The following SLC12A9 variants were observed in gnomAD, a reference collection of about 807,000 sequenced individuals.
SLC12A9 encodes CCC-interacting protein 1.
In SLC12A9, 55 loss-of-function variants were observed where a neutral mutation model predicts 66.0. The ratio of observed to expected loss-of-function variants is 0.83; its 90% confidence interval spans 0.67 to 1.04. The LOEUF is 1.04. SLC12A9 is among the 50% of genes least tolerant of loss of function. The probability of loss-of-function intolerance (pLI) is 0.00; values close to 1 mark genes in which losing one functional copy is unlikely to be tolerated. For synonymous variants in SLC12A9, 577 were observed against 569.0 expected (o/e 1.01, Z -0.20); for missense variants, 1,061 against 1,241.9 (o/e 0.85, Z 2.19).
At chr7:100,832,046 A>T (rs1813553509) in intron 1 of SLC12A9, among the ~76,000 whole-genome samples, 1 of 152,196 alleles carries the variant, frequency 6.6e-6, no homozygotes, top group Non-Finnish European at 1.5e-5. Flanking sequence ...GCTCAAATAA[A>T]TTTTTATAAA....
intron 1 of SLC12A9, among the ~76,000 whole-genome samples, chr7:100,839,685 A>G (rs1319801837): frequency 6.6e-6 from 1 of 152,210 alleles, no homozygotes; most frequent in Non-Finnish European, 1.5e-5. Context: ...GTGGCTGAAC[A>G]CCAGGAAGGA....
intron 1 of SLC12A9, among the ~76,000 whole-genome samples, chr7:100,832,047 T>G (rs1813553581): frequency 6.6e-6 from 1 of 152,186 alleles, no homozygotes; most frequent in Non-Finnish European, 1.5e-5. Flanking sequence ...CTCAAATAAA[T>G]TTTTATAAAC....
At chr7:100,827,102 TG>T (rs2116474461) in intron 1 of SLC12A9, 4 of 1,501,038 alleles carry the variant, frequency 2.7e-6, no homozygotes. Context: ...TGACTCTCCC[TG>T]GGCGGGTGGA....
upstream of SLC12A9, among the ~76,000 whole-genome samples, chr7:100,850,479 A>G (rs1329246691): frequency 6.7e-6 from 1 of 150,220 alleles, no homozygotes. Context: ...GCCTCAAATG[A>G]CCCTTCTGCC....
chr7:100,865,148 G>A, intron 13 of SLC12A9: 4 of 972,854 alleles, frequency 4.1e-6, no homozygotes, highest in Non-Finnish European at 4.7e-6. Context: ...AGTAGAGATA[G>A]CATTTCACCG....
intron 1 of SLC12A9, among the ~76,000 whole-genome samples, chr7:100,838,849 C>T (rs6949532): frequency 0.013 from 1,955 of 152,254 alleles, 25 homozygotes; most frequent in Non-Finnish European, 0.021. Flanking sequence ...CGACCTCTGA[C>T]CTAATCAGCC....
intron 7 of SLC12A9, chr7:100,859,408 C>T (rs899045715): frequency 9.3e-6 from 5 of 537,768 alleles, no homozygotes; most frequent in Non-Finnish European, 1.7e-5. Context: ...TATTTGGCCT[C>T]TTGTGCATAT....
intron 3 of SLC12A9, among the ~76,000 whole-genome samples, 198 bp downstream of exon 3, chr7:100,854,952 C>T (rs576325771): frequency 2.2e-4 from 34 of 152,094 alleles, no homozygotes; most frequent in African/African-American, 8.2e-4. Flanking sequence ...TCACTTGAGG[C>T]CAGGAGTTCA....
rs186754362 is a variant in SLC12A9 at position 100,846,391 on chromosome 7, C to G, written n.229-13494C>G. Among the ~76,000 whole-genome samples, 9 of 152,124 alleles carry G rather than the reference C, an allele frequency of 5.9e-5. No homozygotes were observed. In the East Asian group the frequency reaches 1.2e-3, roughly 20 times the overall value. On this transcript the variant is annotated intron_variant and non_coding_transcript_variant, in intron 1 of 1. Transcript: ENST00000461016. ...ACCATCCTGGCTAACACGGTGAAAC[C>G]CTGTCTCTACTAAAAATACAAAAAA... is the stretch of plus-strand genomic sequence containing the variant.
At chr7:100,839,853 T>C (rs555473743) in intron 1 of SLC12A9, among the ~76,000 whole-genome samples, 24 of 151,334 alleles carry the variant, frequency 1.6e-4, no homozygotes, top group Non-Finnish European at 2.2e-4. Context: ...CCATCCTGGC[T>C]AACACGGTGA....
upstream of SLC12A9, among the ~76,000 whole-genome samples, chr7:100,851,372 G>A (rs779425122): frequency 2.0e-5 from 3 of 151,940 alleles, no homozygotes; most frequent in East Asian, 3.9e-4. Flanking sequence ...GTTCAGTGAC[G>A]GACAGGCCAG....
chr7:100,838,623 C>T (rs1312176679), intron 1 of SLC12A9, among the ~76,000 whole-genome samples: 1 of 152,194 alleles, frequency 6.6e-6, no homozygotes, highest in Non-Finnish European at 1.5e-5. Context: ...CTCAAGCGAT[C>T]TGCCCACTTC....
intron 7 of SLC12A9, 105 bp downstream of exon 7, chr7:100,859,266 T>A: frequency 8.9e-7 from 1 of 1,120,180 alleles, no homozygotes; most frequent in Non-Finnish European, 1.3e-6. Flanking sequence ...CCCAGCTTGT[T>A]GGGGTGGAGG....
At position 100,861,939 on chromosome 7, in the gene SLC12A9, A is replaced by G; in HGVS notation, c.1711+28A>G. ...GAGCTGCCCTCCCACTCACTCACTCACTCCCATCCTTCTCTCCCCCTACCT... is the reference window on the plus strand; with the variant it reads ...GAGCTGCCCTCCCACTCACTCACTCGCTCCCATCCTTCTCTCCCCCTACCT... On this transcript the variant is annotated intron_variant, in intron 12 of 13. Transcript: ENST00000354161. The surrounding 1 kb of genome is among the most constrained non-coding windows in gnomAD (Gnocchi z 5.3). 1 of 1,499,056 alleles carries G rather than the reference A, an allele frequency of 6.7e-7. No individual in the cohort carries two copies. The highest frequency in any genetic ancestry group is 8.9e-7 in the Non-Finnish European group (1 of 1,125,984). 92.9% of individuals were successfully genotyped at this position (1,499,056 alleles called of 1,614,324 possible).
chr7:100,854,603 T>C lies in SLC12A9; in HGVS notation c.182-17T>C. 2 of 1,613,814 alleles carry C rather than the reference T, an allele frequency of 1.2e-6. No homozygotes were observed. The highest frequency in any genetic ancestry group is 1.7e-6 in the Non-Finnish European group (2 of 1,179,868). On this transcript the variant is annotated splice_polypyrimidine_tract_variant and intron_variant, in intron 2 of 13. Coordinates refer to ENST00000354161, the MANE Select transcript of SLC12A9 (RefSeq NM_020246.4). ...GGTGTGAGTCCCCTGTGACCTGATTTGCTGCTCCTGCCTCAGGGTTCGTGG... is the reference window on the plus strand; with the variant it reads ...GGTGTGAGTCCCCTGTGACCTGATTCGCTGCTCCTGCCTCAGGGTTCGTGG...
chr7:100,860,193 C>A lies in SLC12A9; in HGVS notation c.1179C>A (p.Asn393Lys). 1 of 1,614,206 alleles carries A rather than the reference C, an allele frequency of 6.2e-7. No individual in the cohort carries two copies. Among genetic ancestry groups the A allele is most frequent in the South Asian group, 1.1e-5 (1 of 91,088 alleles). ...APAKVVSRGG[N>K]PWAAVLYSWG... Reference sequence around the variant, plus strand: ...CCAAGGTTGTGTCCCGAGGGGGAAACCCCTGGGCAGCTGTACTTTATTCTT... The same window carrying A: ...CCAAGGTTGTGTCCCGAGGGGGAAAACCCTGGGCAGCTGTACTTTATTCTT... Residue 393 changes from asparagine (N) to lysine (K), a missense_variant, in exon 9 of 14, where the codon AAC (asparagine) becomes AAA (lysine). Asn to Lys is a moderately conservative substitution (Grantham distance 94, BLOSUM62 0). Coordinates refer to ENST00000354161, the MANE Select transcript of SLC12A9 (RefSeq NM_020246.4).
Position 100,866,119 on chromosome 7 carries a change from C to A in SLC12A9, c.2259C>A (p.Thr753=), listed in dbSNP as rs1434944831. 1 of 1,612,964 alleles carries A rather than the reference C, an allele frequency of 6.2e-7. No individual in the cohort carries two copies. The highest frequency in any genetic ancestry group is 8.5e-7 in the Non-Finnish European group (1 of 1,179,854). ...GCCTCTTCCTGCTGCAGATGGCAAC[C>A]ATCTTGGGCATGGTGCCCGCTTGGC... The part of the protein sequence containing the change: ...VCGLFLLQMA[T]ILGMVPAWHS... Residue 753 remains threonine (T), a synonymous_variant, in exon 14 of 14, where the codon ACC becomes ACA. Transcript: ENST00000354161. The surrounding 1 kb of genome is among the most constrained non-coding windows in gnomAD (Gnocchi z 7.3).
intron 13 of SLC12A9, among the ~76,000 whole-genome samples, chr7:100,864,194 C>T (rs1180621325): frequency 6.6e-6 from 1 of 150,864 alleles, no homozygotes; most frequent in Non-Finnish European, 1.5e-5. Flanking sequence ...TCTCCCATCT[C>T]AGCCTCCCAA....
rs1814141990 is a variant in SLC12A9, at chr7:100,852,776, C to T, written c.-102C>T. The T allele has an allele frequency of 2.0e-4, 1 of 4,960 alleles. No homozygotes were observed. The allele number at this position is 4,960 out of a possible 1,614,324, so 0.3% of individuals were successfully genotyped here. On this transcript the variant is annotated 5_prime_UTR_variant, in exon 1 of 14. Coordinates refer to ENST00000354161, the MANE Select transcript of SLC12A9 (RefSeq NM_020246.4). ...CTGTCTTTTCCGGCCCCCGTGCACT[C>T]TCCGCCCGAGCGGAGCCCCCCGGCT...
Sources: allele counts gnomAD v4.1 joint callset (sites outside exome capture counted in the v4.1 genomes callset), GRCh38; gene constraint gnomAD v4.1.1; non-coding constraint Gnocchi (gnomAD v3.1); transcripts MANE v1.5; gene names NCBI Gene and HGNC (gene_info 2026-07-23, HGNC 2026-07-21).